METTL21A: variants seen among roughly 807,000 people sequenced by gnomAD.
The protein encoded by METTL21A is protein N-lysine methyltransferase METTL21A.
Under a neutral mutation model 20.9 loss-of-function variants are expected in METTL21A, and 22 were observed. The ratio of observed to expected loss-of-function variants is 1.05; its 90% CI spans 0.75 to 1.50. The LOEUF (loss-of-function observed/expected upper bound fraction) is 1.50, where lower values mean the gene tolerates loss of function less well. Ranked by LOEUF, METTL21A falls within the 40% of genes most tolerant of loss-of-function variation. The pLI is 0.00. For synonymous variants in METTL21A, 93 were observed against 102.0 expected (o/e 0.91, Z 0.53); for missense variants, 271 against 266.8 (o/e 1.02, Z -0.11).
At chr2:207,590,937 G>C (rs1184210635) in intron 3 of METTL21A, among the ~76,000 whole-genome samples, 1 of 152,092 alleles carries the variant, frequency 6.6e-6, no homozygotes, top group African/African-American at 2.4e-5. Context: ...TTTGCATTCA[G>C]TTTAAAAATT....
chr2:207,581,854 T>G, exon 4 of METTL21A: 1 of 702,962 alleles, frequency 1.4e-6, no homozygotes, highest in Non-Finnish European at 2.6e-6. Flanking sequence ...TGTGAAAGTT[T>G]GTTTCCTTGT....
chr2:207,590,319 C>G (rs998979283), intron 3 of METTL21A, among the ~76,000 whole-genome samples: 3 of 151,700 alleles, frequency 2.0e-5, no homozygotes, highest in African/African-American at 7.3e-5. Context: ...TTTCCTCTCT[C>G]TCTGTATTCG....
At chr2:207,607,111 G>A (rs1035980887), downstream of METTL21A, among the ~76,000 whole-genome samples, 2 of 152,038 alleles carry the variant, frequency 1.3e-5, no homozygotes, top group South Asian at 2.1e-4. Context: ...ATATAAGGTC[G>A]GGCCTGGTGG....
chr2:207,620,321 T>C (rs569872424), intron 3 of METTL21A, among the ~76,000 whole-genome samples: 60 of 152,222 alleles, frequency 3.9e-4, no homozygotes, highest in African/African-American at 1.4e-3. Flanking sequence ...CACATGCCTG[T>C]AGTCCCAGCT....
downstream of METTL21A, among the ~76,000 whole-genome samples, chr2:207,607,767 G>A (rs946451497): frequency 1.0e-4 from 15 of 150,336 alleles, no homozygotes; most frequent in African/African-American, 3.2e-4. Context: ...TTATTTAACT[G>A]CATAACTTTA....
intron 3 of METTL21A, chr2:207,597,893 A>T (rs1344675299): frequency 1.1e-5 from 2 of 188,370 alleles, no homozygotes; most frequent in Non-Finnish European, 2.2e-5. Flanking sequence ...GCTGATCAGT[A>T]AACCAATCCC....
exon 4 of METTL21A, chr2:207,581,923 C>T (rs2083011267): frequency 1.4e-6 from 1 of 702,852 alleles, no homozygotes; most frequent in Non-Finnish European, 2.6e-6. Flanking sequence ...GAATATCCCT[C>T]AGTTTGCATT....
At chr2:207,602,008 A>G (rs1022424522) in intron 3 of METTL21A, 15 of 206,582 alleles carry the variant, frequency 7.3e-5, no homozygotes, top group Middle Eastern at 1.5e-3. Context: ...GAGGGGCTGA[A>G]CATATCATGA....
intron 3 of METTL21A, chr2:207,603,200 A>G: frequency 4.6e-6 from 1 of 216,116 alleles, no homozygotes; most frequent in Non-Finnish European, 9.3e-6. Flanking sequence ...TTTATGTGTA[A>G]AGAAAAAAAT....
intron 3 of METTL21A, chr2:207,597,240 C>T (rs1364889790): frequency 1.8e-6 from 1 of 563,568 alleles, no homozygotes; most frequent in Non-Finnish European, 2.8e-6. Context: ...TGTTCCAACA[C>T]CTGCCTCCAC....
Position 207,624,487 on chromosome 2 carries a change from T to A in METTL21A, c.-29-83A>T, listed in dbSNP as rs554573892. 13 of 1,245,702 alleles carry A rather than the reference T, an allele frequency of 1.0e-5. No individual in the cohort carries two copies. The South Asian group carries it at 2.6e-4, about 25-fold the overall frequency. The allele number at this position is 1,245,702 out of a possible 1,614,324, so 77.2% of individuals were successfully genotyped here. ...TAACTAACTCCAAATGCTTTTAAGG[T>A]CGTTTACAAGTTCAAAAGAAAAAAA... On this transcript the variant is annotated intron_variant, in intron 1 of 3. Transcript: ENST00000406927.
chr2:207,623,843 A>G (rs1057278197), intron 2 of METTL21A, among the ~76,000 whole-genome samples: 1 of 152,156 alleles, frequency 6.6e-6, no homozygotes, highest in Non-Finnish European at 1.5e-5. Context: ...ACAGAACGAG[A>G]CTATGTCTCA....
intron 3 of METTL21A, chr2:207,599,357 A>G (rs1032962890): frequency 9.6e-6 from 2 of 207,786 alleles, no homozygotes; most frequent in East Asian, 1.5e-4. Flanking sequence ...AACATTTTGA[A>G]TGAAGTAAGT....
chr2:207,603,509 T>C (rs1240406299), intron 3 of METTL21A: 5 of 224,840 alleles, frequency 2.2e-5, no homozygotes, highest in Non-Finnish European at 3.5e-5. Context: ...CCATGTTTTA[T>C]TGGACTTAAA....
chr2:207,617,743 G>C (rs2089969022), intron 3 of METTL21A, among the ~76,000 whole-genome samples: 1 of 152,230 alleles, frequency 6.6e-6, no homozygotes, highest in African/African-American at 2.4e-5. Context: ...GACAGGCCAG[G>C]TGGAAGAGTG....
At chr2:207,612,946 C>T in exon 4 of METTL21A, 2 of 1,310,222 alleles carry the variant, frequency 1.5e-6, no homozygotes, top group Non-Finnish European at 2.1e-6. Context: ...TTGGCTTAGA[C>T]TTTTTGTACA....
In METTL21A at chr2:207,599,563, A is replaced by G. The variant is rs1575058369; in HGVS notation, c.260-17403T>C. 1.5e-5 allele frequency: 3 copies of G among 197,908 alleles called. No individual in the cohort carries two copies. The East Asian group carries it at 2.4e-4, about 16-fold the overall frequency. 12.3% of individuals were successfully genotyped at this position (197,908 alleles called of 1,614,324 possible). ...TCCTTCATACCTTGAGGATGATTGC[A>G]CTGGTTTTGAAGTCAGTTGCTTAAT... On this transcript the variant is annotated intron_variant, in intron 3 of 3. Transcript: ENST00000425132.
chr2:207,604,888 CAT>C (rs1401388338), downstream of METTL21A, among the ~76,000 whole-genome samples: 3 of 152,176 alleles, frequency 2.0e-5, no homozygotes, highest in Non-Finnish European at 4.4e-5. Flanking sequence ...TCCATTGTAA[CAT>C]GTTATCACTA....
At chr2:207,598,208 T>G (rs185867924) in intron 3 of METTL21A, 48 of 183,126 alleles carry the variant, frequency 2.6e-4, no homozygotes, top group African/African-American at 1.0e-3. Context: ...CAGTGTTAGA[T>G]GTGCACAAGG....
Sources: allele counts gnomAD v4.1 joint callset (sites outside exome capture counted in the v4.1 genomes callset), GRCh38; gene constraint gnomAD v4.1.1; transcripts MANE v1.5; gene names NCBI Gene and HGNC (gene_info 2026-07-23, HGNC 2026-07-21).